FBXL7: variants seen among roughly 807,000 people sequenced by gnomAD.
FBXL7 encodes F-box/LRR-repeat protein 7.
FBXL7 carries 12 observed loss-of-function variants against 38.3 expected under a neutral mutation model. That is an observed-to-expected ratio of 0.31 (90% CI 0.20 to 0.51). The LOEUF (loss-of-function observed/expected upper bound fraction) is 0.51. Ranked by LOEUF, FBXL7 falls within the 20% of genes least tolerant of loss-of-function variation. The probability of loss-of-function intolerance (pLI) is 0.98; values close to 1 mark genes in which losing one functional copy is unlikely to be tolerated. For synonymous variants in FBXL7, 297 were observed against 300.9 expected (o/e 0.99, Z 0.13); for missense variants, 567 against 676.4 (o/e 0.84, Z 1.79).
chr5:15,668,473 G>C (rs1742357703), intron 2 of FBXL7, among the ~76,000 whole-genome samples: 1 of 151,634 alleles, frequency 6.6e-6, no homozygotes, highest in African/African-American at 2.4e-5. Context: ...ATGGCCATTT[G>C]ACTAAATTGT....
chr5:15,926,402 TTTATA>T (rs1323567644), intron 2 of FBXL7, among the ~76,000 whole-genome samples: 2 of 148,222 alleles, frequency 1.3e-5, no homozygotes, highest in Non-Finnish European at 1.5e-5. Flanking sequence ...AGATACAAAA[TTTATA>T]TTATATTGGA....
At chr5:15,770,929 C>T (rs973503708) in intron 2 of FBXL7, among the ~76,000 whole-genome samples, 2 of 152,164 alleles carry the variant, frequency 1.3e-5, no homozygotes, top group African/African-American at 2.4e-5. Flanking sequence ...TGCAGAGTTA[C>T]CAAACTTGGG....
At chr5:15,871,789 A>C (rs1739976448) in intron 2 of FBXL7, among the ~76,000 whole-genome samples, 1 of 152,196 alleles carries the variant, frequency 6.6e-6, no homozygotes. Context: ...ATATGGGACT[A>C]TGTGAAAAAA....
intron 2 of FBXL7, among the ~76,000 whole-genome samples, chr5:15,730,670 T>C (rs1302732217): frequency 6.6e-6 from 1 of 152,232 alleles, no homozygotes; most frequent in Non-Finnish European, 1.5e-5. Flanking sequence ...TATGAAACCA[T>C]GCATCCTACT....
chr5:15,889,885 T>C (rs1433750264), intron 2 of FBXL7, among the ~76,000 whole-genome samples: 2 of 152,036 alleles, frequency 1.3e-5, no homozygotes, highest in African/African-American at 2.4e-5. Flanking sequence ...ACTTGTAAGA[T>C]ACAAACAATA....
At chr5:15,799,972 C>G (rs1163238551) in intron 2 of FBXL7, among the ~76,000 whole-genome samples, 1 of 152,090 alleles carries the variant, frequency 6.6e-6, no homozygotes, top group East Asian at 1.9e-4. Flanking sequence ...CACGGTCCAG[C>G]AATCTTACAC....
intron 2 of FBXL7, among the ~76,000 whole-genome samples, chr5:15,673,588 GCA>G (rs1359370935): frequency 6.6e-6 from 1 of 152,124 alleles, no homozygotes; most frequent in Non-Finnish European, 1.5e-5. Flanking sequence ...GTAAGAATGT[GCA>G]CAGAGTCCAA....
chr5:15,772,004 C>G lies in FBXL7; in HGVS notation c.128-155886C>G, dbSNP rs558380399. Among the ~76,000 whole-genome samples, 5 of 152,136 alleles carry G rather than the reference C, an allele frequency of 3.3e-5. No homozygotes were observed. In the South Asian group the frequency reaches 6.2e-4, roughly 19 times the overall value. ...CAGGCTGGTCTGGAACTCCTGACCT[C>G]AAGTGATCCACCCGCCTGGGCCTCC... On this transcript the variant is annotated intron_variant, in intron 2 of 3. Coordinates refer to ENST00000504595, the MANE Select transcript of FBXL7 (RefSeq NM_012304.5).
At chr5:15,682,285 T>TGG (rs1742866649) in intron 2 of FBXL7, among the ~76,000 whole-genome samples, 1 of 152,190 alleles carries the variant, frequency 6.6e-6, no homozygotes, top group Non-Finnish European at 1.5e-5. Flanking sequence ...ATGGCCTCCC[T>TGG]CACCTCTGTT....
chr5:15,654,418 G>GAA (rs200453697), intron 2 of FBXL7, among the ~76,000 whole-genome samples: 14,024 of 126,170 alleles, frequency 0.11, 695 homozygotes, highest in South Asian at 0.14. Context: ...ATAAAAAACT[G>GAA]AAAAAAAAAA....
intron 2 of FBXL7, among the ~76,000 whole-genome samples, chr5:15,658,223 T>G (rs1034063305): frequency 3.3e-5 from 5 of 152,152 alleles, no homozygotes; most frequent in Non-Finnish European, 7.3e-5. Flanking sequence ...ACTGAGTGCT[T>G]CTCCTTGAAA....
chr5:15,646,515 C>T (rs1022069127), intron 2 of FBXL7, among the ~76,000 whole-genome samples: 3 of 152,204 alleles, frequency 2.0e-5, no homozygotes, highest in Non-Finnish European at 2.9e-5. Context: ...TCTATGGCTA[C>T]AGCGGGGTCT....
At chr5:15,591,422 CTG>C (rs1739471616) in intron 1 of FBXL7, among the ~76,000 whole-genome samples, 2 of 142,174 alleles carry the variant, frequency 1.4e-5, no homozygotes, top group Admixed American at 7.2e-5. Context: ...GAGTGAGACT[CTG>C]TCTCAAAAAA....
At chr5:15,701,438 C>T (rs901905193) in intron 2 of FBXL7, among the ~76,000 whole-genome samples, 1 of 152,130 alleles carries the variant, frequency 6.6e-6, no homozygotes, top group Non-Finnish European at 1.5e-5. Flanking sequence ...GGGTTTCTCC[C>T]TTTTGTTGAA....
chr5:15,931,970 A>G (rs1742048531), intron 3 of FBXL7, among the ~76,000 whole-genome samples: 1 of 152,160 alleles, frequency 6.6e-6, no homozygotes, highest in African/African-American at 2.4e-5. Context: ...TAGAGCATTG[A>G]TGGACTTGGA....
chr5:15,572,183 T>G (rs1416303518), intron 1 of FBXL7, among the ~76,000 whole-genome samples: 6 of 152,094 alleles, frequency 3.9e-5, no homozygotes, highest in African/African-American at 1.2e-4. Flanking sequence ...GCATAGTCAT[T>G]TAATCTTCCT....
At chr5:15,858,106 A>C (rs1263540438) in intron 2 of FBXL7, among the ~76,000 whole-genome samples, 1 of 151,950 alleles carries the variant, frequency 6.6e-6, no homozygotes, top group Non-Finnish European at 1.5e-5. Context: ...TCTTATTCAC[A>C]TTAGAATTCT....
chr5:15,749,711 A>G (rs1026031357), intron 2 of FBXL7, among the ~76,000 whole-genome samples: 1 of 152,160 alleles, frequency 6.6e-6, no homozygotes, highest in African/African-American at 2.4e-5. Flanking sequence ...AGCTGATGGG[A>G]TGTCTGAATT....
chr5:15,626,353 T>G, intron 2 of FBXL7, among the ~76,000 whole-genome samples: 1 of 152,226 alleles, frequency 6.6e-6, no homozygotes, highest in East Asian at 1.9e-4. Context: ...CAAGAATCTT[T>G]TAAGCAGTGG....
Sources: allele counts gnomAD v4.1 joint callset (sites outside exome capture counted in the v4.1 genomes callset), GRCh38; gene constraint gnomAD v4.1.1; transcripts MANE v1.5; gene names NCBI Gene and HGNC (gene_info 2026-07-23, HGNC 2026-07-21).